The following CCDC88A variants were observed in gnomAD, a reference collection of about 807,000 sequenced individuals.
CCDC88A encodes the protein coiled-coil and HOOK domain protein 88A.
Under a neutral mutation model 234.3 loss-of-function variants are expected in CCDC88A, and 54 were observed. The ratio of observed to expected loss-of-function variants is 0.23; its 90% CI spans 0.19 to 0.29. CCDC88A has a LOEUF of 0.29. Among genes scored for constraint, CCDC88A ranks in the 10% least tolerant of loss-of-function variants. CCDC88A has a pLI of 1.00. For synonymous variants in CCDC88A, 753 were observed against 737.8 expected (o/e 1.02, Z -0.33); for missense variants, 1,832 against 2,123.4 (o/e 0.86, Z 2.70).
chr2:55,375,516 T>TAA (rs1491231379), intron 3 of CCDC88A, among the ~76,000 whole-genome samples: 1 of 13,536 alleles, frequency 7.4e-5, no homozygotes. Flanking sequence ...TATATATGTA[T>TAA]GTATGTATAA....
At chr2:55,363,842 T>C in intron 6 of CCDC88A, 108 bp downstream of exon 6, 1 of 562,910 alleles carries the variant, frequency 1.8e-6, no homozygotes, top group Non-Finnish European at 3.1e-6. Context: ...TCTATATTTG[T>C]TGATTTGTTC....
intron 18 of CCDC88A, among the ~76,000 whole-genome samples, chr2:55,319,505 G>A (rs1215578873): frequency 6.6e-6 from 1 of 152,062 alleles, no homozygotes; most frequent in Non-Finnish European, 1.5e-5. Context: ...AGGGAAGCAG[G>A]TTTACAGGAA....
intron 2 of CCDC88A, 139 bp downstream of exon 2, chr2:55,418,677 C>G: frequency 1.5e-6 from 1 of 662,802 alleles, no homozygotes. Flanking sequence ...ATTAGCATTC[C>G]TTTCAAGATC....
At position 55,304,903 on chromosome 2, in the gene CCDC88A, G is replaced by A. The variant is rs1187164742; in HGVS notation, c.4388-1751C>T. Among the ~76,000 whole-genome samples, 4 of 152,268 alleles carry A rather than the reference G, an allele frequency of 2.6e-5. No individual in the cohort carries two copies. The East Asian group carries it at 7.7e-4, about 29-fold the overall frequency. On this transcript the variant is annotated intron_variant, in intron 25 of 32. Coordinates refer to ENST00000436346, the MANE Select transcript of CCDC88A (RefSeq NM_001365480.1). The stretch of plus-strand genomic sequence containing the variant: ...TTCTTTCTCAGTGTTTGCTGTCATC[G>A]TGTAAATAATCACAGCTCTTTTGAC...
intron 8 of CCDC88A, among the ~76,000 whole-genome samples, chr2:55,351,275 G>T (rs988443194): frequency 3.3e-5 from 5 of 152,070 alleles, no homozygotes; most frequent in African/African-American, 9.7e-5. Flanking sequence ...AAGTTAAAAG[G>T]CATTTGAAAC....
At chr2:55,415,119 G>T (rs1432192720) in intron 2 of CCDC88A, among the ~76,000 whole-genome samples, 1 of 150,018 alleles carries the variant, frequency 6.7e-6, no homozygotes, top group Non-Finnish European at 1.5e-5. Flanking sequence ...TCTAAAAGCA[G>T]TAATATAAGA....
chr2:55,291,961 A>C (rs1007508430), intron 31 of CCDC88A, 186 bp from the exon 32 acceptor site: 6 of 456,926 alleles, frequency 1.3e-5, no homozygotes, highest in African/African-American at 6.1e-5. Flanking sequence ...GCTATAAGTA[A>C]TATTCCTAGG....
chr2:55,295,022 G>A (rs1410645831), intron 31 of CCDC88A: 4 of 1,218,866 alleles, frequency 3.3e-6, no homozygotes, highest in Non-Finnish European at 1.1e-6. Context: ...GAGAAGCAGT[G>A]TATATCAAAT....
At chr2:55,406,388 G>A (rs911756619) in intron 2 of CCDC88A, among the ~76,000 whole-genome samples, 5 of 152,200 alleles carry the variant, frequency 3.3e-5, no homozygotes, top group South Asian at 4.2e-4. Context: ...AATAGATTGG[G>A]GGTTTTGTCT....
At chr2:55,304,349 C>T (rs1009147996) in intron 25 of CCDC88A, among the ~76,000 whole-genome samples, 3 of 152,140 alleles carry the variant, frequency 2.0e-5, no homozygotes, top group Non-Finnish European at 4.4e-5. Flanking sequence ...TAGTTCATTA[C>T]ACTTCAGTAA....
intron 3 of CCDC88A, among the ~76,000 whole-genome samples, chr2:55,375,698 T>C (rs1264143738): frequency 6.6e-6 from 1 of 151,562 alleles, no homozygotes; most frequent in African/African-American, 2.4e-5. Context: ...TGGCTAATTT[T>C]TGTATTTTTA....
intron 3 of CCDC88A, among the ~76,000 whole-genome samples, chr2:55,375,462 CACTGT>C (rs1673477002): frequency 7.4e-6 from 1 of 135,620 alleles, no homozygotes; most frequent in Non-Finnish European, 1.5e-5. Flanking sequence ...TAAGTACTGT[CACTGT>C]ACTATATATA....
chr2:55,412,027 T>C (rs1318229971), intron 2 of CCDC88A, among the ~76,000 whole-genome samples: 1 of 152,058 alleles, frequency 6.6e-6, no homozygotes, highest in Non-Finnish European at 1.5e-5. Context: ...AAAAATAAAC[T>C]AAATTCTACA....
Position 55,316,004 on chromosome 2 carries a change from T to G in CCDC88A, c.3857A>C (p.Glu1286Ala). 6 of 1,589,104 alleles carry G rather than the reference T, an allele frequency of 3.8e-6. No individual in the cohort carries two copies. The highest frequency in any genetic ancestry group is 3.4e-6 in the Non-Finnish European group (4 of 1,167,846). The change falls in exon 22 of 33, where the codon GAA becomes GCA. Residue 1286 changes from glutamate to alanine, a missense_variant. Physicochemically the swap from Glu to Ala is moderately radical, Grantham distance 107. This residue lies in a region of CCDC88A where 1,282 missense variants were observed against 1,543.6 expected (regional missense o/e 0.83). Transcript: ENST00000436346. Reference protein sequence around the residue: ...NNSKLEQTRLEAEFSKLKEQY... With the variant: ...NNSKLEQTRLAAEFSKLKEQY... ...TTCCTTTAGTTTTGAAAATTCAGCTTCTAATCTTGTTTGTTCCAGTTTGGA... is the reference window on the plus strand; with the variant it reads ...TTCCTTTAGTTTTGAAAATTCAGCTGCTAATCTTGTTTGTTCCAGTTTGGA...
intron 3 of CCDC88A, among the ~76,000 whole-genome samples, chr2:55,380,299 TGAG>T (rs1409749274): frequency 6.6e-6 from 1 of 151,796 alleles, no homozygotes; most frequent in Non-Finnish European, 1.5e-5. Context: ...GAGGTGGAGA[TGAG>T]GAGAACGTTA....
intron 17 of CCDC88A, 45 bp from the exon 18 acceptor site, chr2:55,322,737 C>A: frequency 9.4e-7 from 1 of 1,061,378 alleles, no homozygotes; most frequent in South Asian, 1.9e-5. Context: ...AAAAAATCAC[C>A]ACAGTTACAT....
intron 2 of CCDC88A, among the ~76,000 whole-genome samples, chr2:55,410,409 G>C (rs909343948): frequency 6.6e-6 from 1 of 152,122 alleles, no homozygotes; most frequent in Non-Finnish European, 1.5e-5. Context: ...TCATTATGAA[G>C]GTATATTTAT....
At chr2:55,362,030 T>C (rs376791557) in intron 7 of CCDC88A, 6 of 249,166 alleles carry the variant, frequency 2.4e-5, no homozygotes, top group African/African-American at 1.3e-4. Context: ...TTTTGTATTG[T>C]TGCCAAAGCT....
chr2:55,363,398 TAGAC>T (rs1671561915), intron 6 of CCDC88A, among the ~76,000 whole-genome samples: 1 of 151,946 alleles, frequency 6.6e-6, no homozygotes. Flanking sequence ...AGCCCAAGAA[TAGAC>T]AGACATAGAA....
Sources: allele counts gnomAD v4.1 joint callset (sites outside exome capture counted in the v4.1 genomes callset), GRCh38; gene constraint gnomAD v4.1.1; regional missense constraint gnomAD v4.1.1; transcripts MANE v1.5; gene names NCBI Gene and HGNC (gene_info 2026-07-23, HGNC 2026-07-21).